LMO4: variants seen among roughly 807,000 people sequenced by gnomAD.
The protein encoded by LMO4 is LIM domain only 4.
Under a neutral mutation model 18.5 loss-of-function variants are expected in LMO4, and 3 were observed. The observed-to-expected ratio is 0.16, with a 90% CI of 0.07 to 0.42. The LOEUF (loss-of-function observed/expected upper bound fraction) is 0.42, where lower values mean the gene tolerates loss of function less well. Ranked by LOEUF, LMO4 falls within the 10% of genes least tolerant of loss-of-function variation. The pLI is 0.99. For synonymous variants in LMO4, 100 were observed against 88.1 expected (o/e 1.14, Z -0.76); for missense variants, 121 against 219.9 (o/e 0.55, Z 2.84).
chr1:87,335,015 AAG>A (rs111936140), intron 2 of LMO4, among the ~76,000 whole-genome samples: 11,847 of 136,944 alleles, frequency 0.087, 770 homozygotes, highest in East Asian at 0.2. Flanking sequence ...ATTGGCCTCT[AAG>A]AGAGGGAGGG....
At chr1:87,334,397 C>T (rs1650239252) in intron 2 of LMO4, among the ~76,000 whole-genome samples, 1 of 152,170 alleles carries the variant, frequency 6.6e-6, no homozygotes, top group Non-Finnish European at 1.5e-5. Flanking sequence ...TTCAGTGTTC[C>T]TCTCTCAGCC....
At position 87,341,964 on chromosome 1, in the gene LMO4, A is replaced by T. The variant is rs562015200; in HGVS notation, c.489+1762A>T. ...AGATACCTATTCAGAATAGAGGTAA[A>T]GCTGTTTGTAGTTACACTTGGTAGC... is the stretch of plus-strand genomic sequence containing the variant. On this transcript the variant is annotated intron_variant, in intron 4 of 4. Coordinates refer to ENST00000370544, the MANE Select transcript of LMO4 (RefSeq NM_006769.4). Among the ~76,000 whole-genome samples the T allele has an allele frequency of 2.6e-5, 4 of 152,202 alleles. No individual in the cohort carries two copies. In the South Asian group the frequency reaches 8.3e-4, roughly 31 times the overall value.
At chr1:87,336,166 T>C (rs1650306156) in intron 2 of LMO4, among the ~76,000 whole-genome samples, 1 of 152,238 alleles carries the variant, frequency 6.6e-6, no homozygotes, top group African/African-American at 2.4e-5. Flanking sequence ...TGCATTTCTT[T>C]GTTACATTTA....
At chr1:87,335,411 C>G (rs1447489498) in intron 2 of LMO4, among the ~76,000 whole-genome samples, 4 of 151,822 alleles carry the variant, frequency 2.6e-5, no homozygotes, top group Admixed American at 1.3e-4. Context: ...CGGCGCCGCC[C>G]GAGGCCGCAG....
At chr1:87,343,047 G>T (rs1650538080) in intron 4 of LMO4, among the ~76,000 whole-genome samples, 1 of 152,020 alleles carries the variant, frequency 6.6e-6, no homozygotes, top group Non-Finnish European at 1.5e-5. Flanking sequence ...TACATTTTTG[G>T]TGTATTATGC....
intron 2 of LMO4, among the ~76,000 whole-genome samples, chr1:87,333,041 C>T (rs866479769): frequency 1.3e-5 from 2 of 152,122 alleles, no homozygotes; most frequent in Admixed American, 1.3e-4. Context: ...TAGAATTATA[C>T]TAATCTTGCA....
In LMO4 at chr1:87,347,989, C is replaced by A. The variant is rs541137184; in HGVS notation, c.*3193C>A. The A allele has an allele frequency of 6.6e-6, 1 of 152,306 alleles. No individual in the cohort carries two copies. Among genetic ancestry groups the A allele is most frequent in the African/African-American group, 2.4e-5 (1 of 41,560 alleles). 9.4% of individuals were successfully genotyped at this position (152,306 alleles called of 1,614,324 possible). On this transcript the variant is annotated 3_prime_UTR_variant, in exon 5 of 5. Coordinates refer to ENST00000370544, the MANE Select transcript of LMO4 (RefSeq NM_006769.4). The stretch of plus-strand genomic sequence containing the variant: ...GAAATTGTCATCCTCTTAATATTAC[C>A]TGTATTTAAATTCTTTCTTTTGCCC...
intron 2 of LMO4, among the ~76,000 whole-genome samples, chr1:87,335,076 TAAAG>T (rs1302210646): frequency 6.6e-6 from 1 of 151,622 alleles, no homozygotes; most frequent in Admixed American, 6.6e-5. Context: ...GGGTGGATCT[TAAAG>T]GGACCAACGC....
chr1:87,331,849 C>T (rs1023346710), intron 1 of LMO4, 164 bp from the exon 2 acceptor site: 8 of 594,572 alleles, frequency 1.3e-5, no homozygotes, highest in Non-Finnish European at 2.4e-5. Flanking sequence ...AGCCTCCCTT[C>T]TTCCCTCTCC....
intron 4 of LMO4, among the ~76,000 whole-genome samples, chr1:87,340,657 C>T (rs2100565969): frequency 6.6e-6 from 1 of 152,292 alleles, no homozygotes; most frequent in African/African-American, 2.4e-5. Flanking sequence ...GCCTTCCAAA[C>T]CCAATTTACA....
chr1:87,335,756 G>A (rs1196362603), intron 2 of LMO4, among the ~76,000 whole-genome samples: 1 of 152,080 alleles, frequency 6.6e-6, no homozygotes, highest in African/African-American at 2.4e-5. Context: ...GTAATTAAAT[G>A]GCACTTTTCC....
chr1:87,330,811 C>A (rs569886460), intron 1 of LMO4, among the ~76,000 whole-genome samples: 1 of 152,140 alleles, frequency 6.6e-6, no homozygotes, highest in South Asian at 2.1e-4. Context: ...ATAACTTGAT[C>A]TTTTTACAGA....
At chr1:87,333,775 A>G (rs1421926447) in intron 2 of LMO4, among the ~76,000 whole-genome samples, 2 of 152,268 alleles carry the variant, frequency 1.3e-5, no homozygotes, top group East Asian at 1.9e-4. Flanking sequence ...ACATGGGTGT[A>G]ATGCTTTCTG....
chr1:87,337,166 C>G (rs1366094331), intron 2 of LMO4, among the ~76,000 whole-genome samples: 1 of 152,160 alleles, frequency 6.6e-6, no homozygotes, highest in Non-Finnish European at 1.5e-5. Context: ...GCACATCAGT[C>G]CTGGGTAGAT....
At chr1:87,343,402 G>C (rs1474802579) in intron 4 of LMO4, among the ~76,000 whole-genome samples, 2 of 152,160 alleles carry the variant, frequency 1.3e-5, no homozygotes, top group Non-Finnish European at 2.9e-5. Flanking sequence ...GCTAGCTTTG[G>C]GAGAATGCTG....
chr1:87,335,443 C>T (rs1012783929), intron 2 of LMO4, among the ~76,000 whole-genome samples: 1 of 151,780 alleles, frequency 6.6e-6, no homozygotes, highest in Non-Finnish European at 1.5e-5. Context: ...AGCCGGCGGG[C>T]GGTCTCGGGC....
intron 2 of LMO4, among the ~76,000 whole-genome samples, chr1:87,338,113 A>G (rs1272593905): frequency 6.6e-6 from 1 of 152,224 alleles, no homozygotes; most frequent in Admixed American, 6.5e-5. Flanking sequence ...CAGTCAATAC[A>G]TTTAATAACA....
chr1:87,339,647 T>A lies in LMO4; in HGVS notation c.333+15T>A. 1.3e-6 allele frequency: 2 copies of A among 1,518,348 alleles called. No homozygotes were observed. Among genetic ancestry groups the A allele is most frequent in the Non-Finnish European group, 1.8e-6 (2 of 1,102,876 alleles). 94.1% of individuals were successfully genotyped at this position (1,518,348 alleles called of 1,614,324 possible). On this transcript the variant is annotated intron_variant, in intron 3 of 4. Transcript: ENST00000370544. ...ATCATCTTAAGGTAGTATTTGCATC[T>A]CTCTTTTTTTTTTAAAAAAAAAATC...
At chr1:87,338,857 T>C (rs188315255) in intron 2 of LMO4, among the ~76,000 whole-genome samples, 1 of 152,336 alleles carries the variant, frequency 6.6e-6, no homozygotes, top group Admixed American at 6.5e-5. Flanking sequence ...AGAGATGAAG[T>C]AATCTAAATT....
Sources: allele counts gnomAD v4.1 joint callset (sites outside exome capture counted in the v4.1 genomes callset), GRCh38; gene constraint gnomAD v4.1.1; transcripts MANE v1.5; gene names NCBI Gene and HGNC (gene_info 2026-07-23, HGNC 2026-07-21).